Variants in MCC observed in about 807,000 individuals in gnomAD.
MCC encodes MCC regulator of Wnt signaling pathway, also known as colorectal mutant cancer protein.
A neutral mutation model predicts 116.2 loss-of-function variants in MCC; 90 were observed. The ratio of observed to expected loss-of-function variants is 0.77; its 90% CI spans 0.65 to 0.92. The LOEUF (loss-of-function observed/expected upper bound fraction) is 0.92, where lower values mean the gene tolerates loss of function less well. MCC is among the 40% of genes least tolerant of loss of function. MCC has a pLI of 0.00. For synonymous variants in MCC, 578 were observed against 510.5 expected, an observed-to-expected ratio of 1.13 and a Z score of -1.78; for missense variants, 1,516 against 1,312.2, an observed-to-expected ratio of 1.16 and a Z score of -2.40.
intron 1 of MCC, among the ~76,000 whole-genome samples, chr5:113,460,431 A>G (rs1771711765): frequency 6.6e-6 from 1 of 152,180 alleles, no homozygotes; most frequent in Non-Finnish European, 1.5e-5. Context: ...TCACATCAGT[A>G]TTCCCTCCTC....
chr5:113,166,109 T>C (rs1404281426), intron 3 of MCC, among the ~76,000 whole-genome samples: 2 of 152,162 alleles, frequency 1.3e-5, no homozygotes, highest in East Asian at 3.9e-4. Flanking sequence ...CCCCATCTCC[T>C]TGTAGACATA....
intron 1 of MCC, among the ~76,000 whole-genome samples, chr5:113,417,770 A>T (rs1770196005): frequency 6.6e-6 from 1 of 152,154 alleles, no homozygotes; most frequent in African/African-American, 2.4e-5. Context: ...CTCTACAAAA[A>T]ATACAAAAAT....
intron 3 of MCC, among the ~76,000 whole-genome samples, chr5:113,187,047 T>A (rs1431755483): frequency 6.6e-6 from 1 of 152,216 alleles, no homozygotes; most frequent in African/African-American, 2.4e-5. Context: ...TGCTGGCCTA[T>A]AAGATACAGG....
rs1759405750 is a variant in MCC, at chr5:113,144,980, C to T, written c.742-1620G>A. ...TCCTAAACAAAGATGCTGTAACCAG[C>T]CACAGACACTCTTTCCATGAAGTTA... On this transcript the variant is annotated intron_variant, in intron 4 of 18. Coordinates refer to ENST00000408903, the MANE Select transcript of MCC (RefSeq NM_001085377.2). Among the ~76,000 whole-genome samples the T allele has an allele frequency of 2.0e-5, 3 of 152,016 alleles. No individual in the cohort carries two copies. In the South Asian group the frequency reaches 6.2e-4, roughly 32 times the overall value.
chr5:113,394,075 T>C (rs1769466352), intron 1 of MCC, among the ~76,000 whole-genome samples: 1 of 152,210 alleles, frequency 6.6e-6, no homozygotes, highest in African/African-American at 2.4e-5. Flanking sequence ...CATATATTTA[T>C]CTTGAACTCA....
chr5:113,202,261 A>C (rs1198267573), intron 3 of MCC, among the ~76,000 whole-genome samples: 1 of 152,152 alleles, frequency 6.6e-6, no homozygotes, highest in Non-Finnish European at 1.5e-5. Flanking sequence ...CAAATAAAGC[A>C]ATCCCGGGGT....
rs144699117 is a variant in MCC at position 113,115,347 on chromosome 5, T to C, written c.1027+7337A>G. Among the ~76,000 whole-genome samples the C allele has an allele frequency of 7.9e-5, 12 of 152,342 alleles. No individual in the cohort carries two copies. The East Asian group carries it at 2.3e-3, about 29-fold the overall frequency. On this transcript the variant is annotated intron_variant, in intron 6 of 18. Coordinates refer to ENST00000408903, the MANE Select transcript of MCC (RefSeq NM_001085377.2). Reference sequence around the variant, plus strand: ...ACGCCACCCCACCACATTCTGACTATAGATCTCTGTTTCTTTTCTCAAAGC... The same window carrying C: ...ACGCCACCCCACCACATTCTGACTACAGATCTCTGTTTCTTTTCTCAAAGC...
chr5:113,034,290 A>G (rs969557289), intron 17 of MCC, among the ~76,000 whole-genome samples: 20 of 152,324 alleles, frequency 1.3e-4, no homozygotes, highest in African/African-American at 4.8e-4. Context: ...TGTGAATTTA[A>G]AGGTAATATG....
chr5:113,462,785 C>T (rs942553603), intron 1 of MCC, among the ~76,000 whole-genome samples: 1 of 152,184 alleles, frequency 6.6e-6, no homozygotes, highest in African/African-American at 2.4e-5. Context: ...ATTCTTTCCA[C>T]AAATATTTAC....
At chr5:113,391,954 T>G (rs1257901706) in intron 1 of MCC, among the ~76,000 whole-genome samples, 1 of 152,194 alleles carries the variant, frequency 6.6e-6, no homozygotes, top group Non-Finnish European at 1.5e-5. Context: ...TTTATTAAAG[T>G]AATGTTTTCA....
chr5:113,054,024 T>C (rs775890546), intron 14 of MCC, 65 bp from the exon 15 acceptor site: 28 of 1,156,726 alleles, frequency 2.4e-5, no homozygotes, highest in Admixed American at 9.1e-5. Flanking sequence ...AAATAGATCT[T>C]TCCTCCTCAC....
intron 3 of MCC, among the ~76,000 whole-genome samples, chr5:113,180,038 A>C (rs1239753401): frequency 6.6e-6 from 1 of 152,176 alleles, no homozygotes. Flanking sequence ...TCACCCCAGA[A>C]GTACAAAGAG....
intron 3 of MCC, among the ~76,000 whole-genome samples, chr5:113,162,815 G>C (rs1760563652): frequency 6.6e-6 from 1 of 152,030 alleles, no homozygotes; most frequent in African/African-American, 2.4e-5. Context: ...CCACCTTACT[G>C]ACCACAATTA....
intron 2 of MCC, among the ~76,000 whole-genome samples, chr5:113,356,331 GCA>G (rs1158578395): frequency 6.7e-6 from 1 of 149,034 alleles, no homozygotes; most frequent in African/African-American, 2.5e-5. Context: ...ATTTATATAT[GCA>G]TTTATATATA....
intron 14 of MCC, among the ~76,000 whole-genome samples, chr5:113,055,339 A>C (rs546982975): frequency 1.3e-5 from 2 of 152,264 alleles, no homozygotes; most frequent in South Asian, 4.1e-4. Flanking sequence ...ACACTGCAAA[A>C]GGGTAAGAGC....
intron 3 of MCC, among the ~76,000 whole-genome samples, chr5:113,180,435 G>C (rs1761566418): frequency 6.6e-6 from 1 of 152,158 alleles, no homozygotes; most frequent in South Asian, 2.1e-4. Context: ...CTTATAGGCA[G>C]GATTACTGAT....
intron 1 of MCC, among the ~76,000 whole-genome samples, chr5:113,406,108 G>C (rs2150400682): frequency 6.6e-6 from 1 of 152,184 alleles, no homozygotes; most frequent in African/African-American, 2.4e-5. Context: ...AACCGAGAAA[G>C]AACATTCAAA....
At chr5:113,372,977 G>T (rs1024594515) in intron 2 of MCC, among the ~76,000 whole-genome samples, 27 of 152,250 alleles carry the variant, frequency 1.8e-4, no homozygotes, top group African/African-American at 6.3e-4. Context: ...AGGAGATCGA[G>T]ACCATCCTGG....
intron 1 of MCC, among the ~76,000 whole-genome samples, chr5:113,386,638 T>C (rs149085611): frequency 6.6e-6 from 1 of 152,130 alleles, no homozygotes; most frequent in Non-Finnish European, 1.5e-5. Flanking sequence ...CCAGCCTTTT[T>C]AGCTCATCAC....
Sources: gnomAD v4.1 joint callset for allele counts (sites outside exome capture counted in the v4.1 genomes callset) on GRCh38, gnomAD v4.1.1 for gene constraint, MANE v1.5 for transcripts, NCBI Gene and HGNC (gene_info 2026-07-23, HGNC 2026-07-21) for gene names.